RUFY3: variants seen among roughly 807,000 people sequenced by gnomAD.
The protein encoded by RUFY3 is RUN and FYVE domain containing 3.
Under a neutral mutation model 84.0 loss-of-function variants are expected in RUFY3, and 34 were observed. The observed-to-expected ratio is 0.40, with a 90% confidence interval of 0.31 to 0.54. The LOEUF (loss-of-function observed/expected upper bound fraction) is 0.54. RUFY3 is among the 20% of genes least tolerant of loss of function. The pLI, the probability that RUFY3 is intolerant of heterozygous loss-of-function variation, is 0.39. For synonymous variants in RUFY3, 242 were observed against 252.9 expected (o/e 0.96, Z 0.41); for missense variants, 507 against 736.8 (o/e 0.69, Z 3.61).
At chr4:70,791,403 A>G in intron 12 of RUFY3, 1 of 1,467,528 alleles carries the variant, frequency 6.8e-7, no homozygotes. Context: ...ATAAAATGTC[A>G]CCAAAAAGTT....
Position 70,794,836 on chromosome 4 carries a change from G to A in RUFY3, c.1499G>A (p.Arg500Lys). Residue 500 changes from arginine (R) to lysine (K), a missense_variant, in exon 14 of 18, where the codon AGA (arginine) becomes AAA (lysine). By Grantham distance (26) the Arg-to-Lys change is conservative. This residue lies in a region of RUFY3 where 334 missense variants were observed against 364.1 expected (regional missense o/e 0.92). Coordinates refer to ENST00000381006, the MANE Select transcript of RUFY3 (RefSeq NM_001037442.4). ...GAACTAAAACAGGAAAAAGAAAGAA[G>A]ATTACAAAACGACAGGAGCATCCCA... ...ELELKQEKER[R>K]LQNDRSIPGR... is the part of the protein sequence containing the mutation. 1 of 1,612,884 alleles carries A rather than the reference G, an allele frequency of 6.2e-7. No individual in the cohort carries two copies. The highest frequency in any genetic ancestry group is 8.5e-7 in the Non-Finnish European group (1 of 1,179,410).
At chr4:70,799,010 A>G (rs1038151593) in intron 14 of RUFY3, among the ~76,000 whole-genome samples, 18 of 150,000 alleles carry the variant, frequency 1.2e-4, no homozygotes, top group Admixed American at 4.7e-4. Context: ...TTAGCCATCA[A>G]TGGTGGGCGC....
At chr4:70,712,440 G>C (rs1254252166) in intron 1 of RUFY3, among the ~76,000 whole-genome samples, 1 of 152,222 alleles carries the variant, frequency 6.6e-6, no homozygotes, top group Admixed American at 6.5e-5. Flanking sequence ...AGTAAAGGTT[G>C]CTGGGTAGGA....
At chr4:70,782,441 CG>C (rs1192298815) in intron 8 of RUFY3, among the ~76,000 whole-genome samples, 1 of 151,532 alleles carries the variant, frequency 6.6e-6, no homozygotes, top group African/African-American at 2.4e-5. Flanking sequence ...CACACCACTA[CG>C]CCCAGCTAAT....
chr4:70,765,258 T>C (rs1438650546), intron 4 of RUFY3, among the ~76,000 whole-genome samples: 1 of 150,996 alleles, frequency 6.6e-6, no homozygotes, highest in Non-Finnish European at 1.5e-5. Context: ...CAGTAGATCA[T>C]AGATACAACT....
chr4:70,719,468 A>G (rs905647420), upstream of RUFY3, among the ~76,000 whole-genome samples: 3 of 152,208 alleles, frequency 2.0e-5, no homozygotes, highest in Non-Finnish European at 4.4e-5. Context: ...GACAAGGCCA[A>G]ATTCAGGTTT....
intron 7 of RUFY3, among the ~76,000 whole-genome samples, chr4:70,777,826 C>CA (rs1728216823): frequency 6.6e-6 from 1 of 152,026 alleles, no homozygotes; most frequent in Admixed American, 6.5e-5. Context: ...TGTAGATAAA[C>CA]AAAGTTTATT....
At chr4:70,737,275 AAG>A (rs1248709884) in intron 1 of RUFY3, among the ~76,000 whole-genome samples, 1 of 152,170 alleles carries the variant, frequency 6.6e-6, no homozygotes, top group African/African-American at 2.4e-5. Context: ...TCCTAAGCAA[AAG>A]AGAGTTTTTA....
chr4:70,743,158 TC>T (rs1160017537), intron 1 of RUFY3, among the ~76,000 whole-genome samples: 1 of 152,108 alleles, frequency 6.6e-6, no homozygotes, highest in Non-Finnish European at 1.5e-5. Flanking sequence ...AACTTCTGCC[TC>T]CTGGGGTTCA....
intron 1 of RUFY3, among the ~76,000 whole-genome samples, chr4:70,726,518 C>T (rs931308524): frequency 6.6e-6 from 1 of 152,174 alleles, no homozygotes; most frequent in African/African-American, 2.4e-5. Flanking sequence ...GGATTACAGG[C>T]ATGCGCCACC....
At chr4:70,760,733 A>T (rs1011260794) in intron 1 of RUFY3, among the ~76,000 whole-genome samples, 24 of 152,210 alleles carry the variant, frequency 1.6e-4, no homozygotes, top group Non-Finnish European at 4.4e-5. Flanking sequence ...ATCTACATTT[A>T]AGCTATGGCC....
intron 4 of RUFY3, among the ~76,000 whole-genome samples, chr4:70,766,880 C>T (rs1726029306): frequency 6.6e-6 from 1 of 152,126 alleles, no homozygotes; most frequent in Non-Finnish European, 1.5e-5. Flanking sequence ...CTCTGTGCTC[C>T]ACCTATTCAT....
intron 1 of RUFY3, among the ~76,000 whole-genome samples, chr4:70,730,726 A>G (rs1304301491): frequency 6.6e-6 from 1 of 151,932 alleles, no homozygotes; most frequent in Non-Finnish European, 1.5e-5. Context: ...CTGGGCGACA[A>G]GAGTGAAACT....
chr4:70,797,990 A>C (rs1330482097), intron 14 of RUFY3, among the ~76,000 whole-genome samples: 1 of 152,208 alleles, frequency 6.6e-6, no homozygotes, highest in Non-Finnish European at 1.5e-5. Flanking sequence ...TGAGGTTTTA[A>C]GTTTTTCAGT....
Position 70,806,664 on chromosome 4 carries a change from G to A in RUFY3, c.*5G>A, listed in dbSNP as rs1560583274. 6.2e-7 allele frequency: 1 copy of A among 1,614,006 alleles called. No individual in the cohort carries two copies. Among genetic ancestry groups the A allele is most frequent in the Admixed American group, 1.7e-5 (1 of 60,002 alleles). On this transcript the variant is annotated 3_prime_UTR_variant, in exon 18 of 18. Transcript: ENST00000381006. ...TATTCTACCAGCCCATCATAAGACT[G>A]GAGGCCAAGACCTGGACCAAAACGT...
chr4:70,772,117 A>G (rs1727067458), intron 5 of RUFY3, among the ~76,000 whole-genome samples: 2 of 149,970 alleles, frequency 1.3e-5, no homozygotes, highest in African/African-American at 2.4e-5. Flanking sequence ...GAAATAAAAT[A>G]ATATAATATA....
At chr4:70,771,718 C>CAG (rs1035258991) in intron 5 of RUFY3, among the ~76,000 whole-genome samples, 21 of 151,936 alleles carry the variant, frequency 1.4e-4, no homozygotes, top group African/African-American at 4.8e-4. Flanking sequence ...TTTGTGGAGA[C>CAG]AGAGTTTCGC....
rs1032516643 is a variant in RUFY3, at chr4:70,802,876, T to C, written c.1623-80T>C. 1.9e-4 allele frequency: 190 copies of C among 1,015,008 alleles called. 1 individual carries two copies. The highest frequency in any genetic ancestry group is 2.1e-4 in the Middle Eastern group (1 of 4,732). The allele number at this position is 1,015,008 out of a possible 1,614,324, so 62.9% of individuals were successfully genotyped here. Reference sequence around the variant, plus strand: ...TCTTGTTTGAAAAAAATGTTTGTATTCTGAGCTTTTTATTGAAATGATATA... The same window carrying C: ...TCTTGTTTGAAAAAAATGTTTGTATCCTGAGCTTTTTATTGAAATGATATA... On this transcript the variant is annotated intron_variant, in intron 15 of 17. Transcript: ENST00000381006.
chr4:70,792,363 A>T (rs935852223), intron 12 of RUFY3: 7 of 961,150 alleles, frequency 7.3e-6, no homozygotes, highest in Non-Finnish European at 8.7e-6. Flanking sequence ...TAAATGATAA[A>T]CTTATATTCT....
Sources: allele counts gnomAD v4.1 joint callset (sites outside exome capture counted in the v4.1 genomes callset), GRCh38; gene constraint gnomAD v4.1.1; regional missense constraint gnomAD v4.1.1; transcripts MANE v1.5; gene names NCBI Gene and HGNC (gene_info 2026-07-23, HGNC 2026-07-21).